Variants in FRS3 observed in about 807,000 individuals in gnomAD.
FRS3 encodes the protein fibroblast growth factor receptor substrate 3.
Under a neutral mutation model 41.9 loss-of-function variants are expected in FRS3, and 17 were observed. The ratio of observed to expected loss-of-function variants is 0.41; its 90% CI spans 0.28 to 0.61. FRS3 has a LOEUF of 0.61. Among genes scored for constraint, FRS3 ranks in the 20% least tolerant of loss-of-function variants. FRS3 has a pLI of 0.36. For synonymous variants in FRS3, 287 were observed against 274.5 expected, an observed-to-expected ratio of 1.05 and a Z score of -0.45; for missense variants, 619 against 672.1, an observed-to-expected ratio of 0.92 and a Z score of 0.87.
intron 6 of FRS3, 33 bp downstream of exon 6, chr6:41,771,783 A>G (rs1282868069): frequency 6.5e-7 from 1 of 1,545,376 alleles, no homozygotes. Flanking sequence ...CACCCAGACC[A>G]ACAGGGCAGG....
chr6:41,770,303 A>T lies in FRS3; in HGVS notation c.*316T>A. The T allele has an allele frequency of 3.0e-6, 1 of 336,302 alleles. No individual in the cohort carries two copies. The highest frequency in any genetic ancestry group is 5.4e-6 in the Non-Finnish European group (1 of 184,492). 20.8% of individuals were successfully genotyped at this position (336,302 alleles called of 1,614,324 possible). The stretch of plus-strand genomic sequence containing the variant: ...TTTCAAAATTCCAACCAAAAAAAAC[A>T]CACACGGACAGTCGGCAGACAAGAC... On this transcript the variant is annotated 3_prime_UTR_variant, in exon 7 of 7. Coordinates refer to ENST00000373018, the MANE Select transcript of FRS3 (RefSeq NM_006653.5).
At chr6:41,777,393 C>A (rs770303427) in intron 2 of FRS3, 1 of 167,718 alleles carries the variant, frequency 6.0e-6, no homozygotes, top group African/African-American at 2.4e-5. Flanking sequence ...GGTGCCAGCC[C>A]GAGCCCCTTA....
chr6:41,771,555 G>A (rs758372745), intron 6 of FRS3, 22 bp from the exon 7 acceptor site: 16 of 1,502,332 alleles, frequency 1.1e-5, no homozygotes, highest in Non-Finnish European at 1.4e-5. Context: ...GTCCAAGTGA[G>A]GCAGGAGTGT....
rs755097312 is a variant in FRS3 at position 41,772,964 on chromosome 6, A to G, written c.254-5T>C. 6.2e-7 allele frequency: 1 copy of G among 1,613,458 alleles called. No individual in the cohort carries two copies. The highest frequency in any genetic ancestry group is 2.2e-5 in the East Asian group (1 of 44,874). ...AACACTTAAATGCAAATATTCCTGG[A>G]GAAGGAGAGGAAGAAATGACCCTAG... is the stretch of plus-strand genomic sequence containing the variant. On this transcript the variant is annotated splice_region_variant and splice_polypyrimidine_tract_variant and intron_variant, in intron 4 of 6. Transcript: ENST00000373018.
intron 1 of FRS3, among the ~76,000 whole-genome samples, 173 bp from the exon 2 acceptor site, chr6:41,778,349 C>A (rs1379907618): frequency 2.6e-5 from 4 of 152,178 alleles, no homozygotes; most frequent in Admixed American, 6.5e-5. Context: ...AAATCCCAAG[C>A]CCCACGGGCC....
chr6:41,777,850 G>A (rs1772442361), intron 2 of FRS3, 183 bp downstream of exon 2: 1 of 152,254 alleles, frequency 6.6e-6, no homozygotes, highest in African/African-American at 2.4e-5. Flanking sequence ...GAAATGCATG[G>A]ACCAATACCA....
Position 41,770,676 on chromosome 6 carries a change from G to A in FRS3, c.1422C>T (p.Pro474=). The change falls in exon 7 of 7, where the codon CCC becomes CCT. Residue 474 remains proline, a synonymous_variant. Transcript: ENST00000373018. ...VAMSNLQRAL[P]RDDGTARKTR... The stretch of plus-strand genomic sequence containing the variant: ...TTTTCCTGGCGGTGCCATCGTCTCG[G>A]GGCAGAGCTCTCTGCAGGTTGGACA... 6.2e-7 allele frequency: 1 copy of A among 1,614,154 alleles called. No individual in the cohort carries two copies. The highest frequency in any genetic ancestry group is 8.5e-7 in the Non-Finnish European group (1 of 1,180,032).
In FRS3 at chr6:41,772,963, G is replaced by A. The variant is rs754310807; in HGVS notation, c.254-4C>T. 1.9e-5 allele frequency: 30 copies of A among 1,613,486 alleles called. No homozygotes were observed. Among genetic ancestry groups the A allele is most frequent in the Non-Finnish European group, 2.3e-5 (27 of 1,179,704 alleles). On this transcript the variant is annotated splice_region_variant and splice_polypyrimidine_tract_variant and intron_variant, in intron 4 of 6. Coordinates refer to ENST00000373018, the MANE Select transcript of FRS3 (RefSeq NM_006653.5). ...GAACACTTAAATGCAAATATTCCTG[G>A]AGAAGGAGAGGAAGAAATGACCCTA...
rs1772386743 is a variant in FRS3, at chr6:41,775,354, A to T, written c.253+65T>A. 2.3e-6 allele frequency: 3 copies of T among 1,323,914 alleles called. No homozygotes were observed. The South Asian group carries it at 4.2e-5, about 19-fold the overall frequency. The allele number at this position is 1,323,914 out of a possible 1,614,324, so 82.0% of individuals were successfully genotyped here. On this transcript the variant is annotated intron_variant, in intron 4 of 6. Transcript: ENST00000373018. ...ACTAACCTCTTGAGGGCTAACCTAT[A>T]CATTAGGAACCCTGGAGTACTGCAT...
At chr6:41,771,767 C>T (rs755717077) in intron 6 of FRS3, 49 bp downstream of exon 6, 12 of 1,534,798 alleles carry the variant, frequency 7.8e-6, no homozygotes, top group African/African-American at 5.5e-5. Flanking sequence ...TCCTATCCCT[C>T]GTCCCCACCC....
At position 41,771,374 on chromosome 6, in the gene FRS3, A is replaced by G. The variant is rs965414071; in HGVS notation, c.724T>C (p.Phe242Leu). The change falls in exon 7 of 7, where the codon TTT becomes CTT. Residue 242 changes from phenylalanine to leucine, a missense_variant. Phe to Leu is a conservative substitution (Grantham distance 22). This residue lies in a region of FRS3 where 487 missense variants were observed against 478.3 expected (regional missense o/e 1.02). Transcript: ENST00000373018. ...QVFLQPGQVKFVLGPTPARRH... is the reference protein window; with the variant it reads ...QVFLQPGQVKLVLGPTPARRH... ...CGAGCAGGGGTCGGGCCCAACACAA[A>G]CTTCACCTGGCCTGGCTGCAAGAAC... 1 of 1,613,546 alleles carries G rather than the reference A, an allele frequency of 6.2e-7. No homozygotes were observed.
intron 4 of FRS3, among the ~76,000 whole-genome samples, chr6:41,774,472 C>T (rs578080104): frequency 1.8e-4 from 28 of 152,240 alleles, no homozygotes; most frequent in East Asian, 3.9e-4. Flanking sequence ...AACTCTGGCA[C>T]GGGAAGGAAG....
At chr6:41,776,643 G>T in intron 3 of FRS3, 2 of 382,654 alleles carry the variant, frequency 5.2e-6, no homozygotes, top group Non-Finnish European at 4.7e-6. Context: ...AAGGGGGGGG[G>T]ATATATAAAG....
Position 41,770,660 on chromosome 6 carries a change from C to A in FRS3, c.1438G>T (p.Ala480Ser). The change falls in exon 7 of 7, where the codon GCC (alanine) becomes TCC (serine). Residue 480 changes from alanine to serine, a missense_variant. Around this residue, in one of 3 missense-constraint regions of FRS3, gnomAD observed 32 missense variants for 55.6 expected, o/e 0.58. Transcript: ENST00000373018. ...QRALPRDDGT[A>S]RKTRHNSTDL... ...GTGCTGTTGTGCCGGGTTTTCCTGG[C>A]GGTGCCATCGTCTCGGGGCAGAGCT... is the stretch of plus-strand genomic sequence containing the variant. 6.2e-7 allele frequency: 1 copy of A among 1,614,120 alleles called. No homozygotes were observed. The highest frequency in any genetic ancestry group is 1.1e-5 in the South Asian group (1 of 91,080).
chr6:41,771,121 G>A lies in FRS3; in HGVS notation c.977C>T (p.Pro326Leu). 1 of 1,578,822 alleles carries A rather than the reference G, an allele frequency of 6.3e-7. No homozygotes were observed. The highest frequency in any genetic ancestry group is 8.6e-7 in the Non-Finnish European group (1 of 1,160,438). Residue 326 changes from proline (P) to leucine (L), a missense_variant, in exon 7 of 7, where the codon CCC becomes CTC. Physicochemically the swap from Pro to Leu is moderately conservative, Grantham distance 98 (BLOSUM62 -3). Around this residue, in one of 3 missense-constraint regions of FRS3, gnomAD observed 487 missense variants for 478.3 expected, o/e 1.02. Transcript: ENST00000373018. ...GCTTTCCCACACAGGGGGCAGTGGG[G>A]GCAGGTTCTCATAGTGCAGCAGGGC... ...RAALLHYENLPPLPPVWESQA... is the reference protein window; with the variant it reads ...RAALLHYENLLPLPPVWESQA...
At chr6:41,772,585 C>G (rs920870433) in intron 5 of FRS3, among the ~76,000 whole-genome samples, 9 of 152,296 alleles carry the variant, frequency 5.9e-5, no homozygotes, top group African/African-American at 1.9e-4. Context: ...ATACAAGGCC[C>G]AGAACTCAAC....
In FRS3 at chr6:41,772,894, A is replaced by T; in HGVS notation, c.319T>A (p.Cys107Ser). 1 of 1,613,864 alleles carries T rather than the reference A, an allele frequency of 6.2e-7. No homozygotes were observed. The highest frequency in any genetic ancestry group is 1.7e-4 in the Middle Eastern group (1 of 6,054). The change falls in exon 5 of 7, where the codon TGC (cysteine) becomes AGC (serine). Residue 107 changes from cysteine to serine, a missense_variant. Transcript: ENST00000373018. ...TCTTCCATCACATTGATGCTGTTGC[A>T]CTGCATCAGATCCTGAAGGAGGTTG... ...IFNLLQDLMQ[C>S]NSINVMEEPV...
chr6:41,770,764 G>T lies in FRS3; in HGVS notation c.1334C>A (p.Thr445Asn). ...GTCTGAGCTTCGGGCAGGGTGGGTG[G>T]TGGGCATGGGGGCTTGGGGGCTCGA... ...NPSSPQAPMP[T>N]THPARSSDSY... The change falls in exon 7 of 7, where the codon ACC (threonine) becomes AAC (asparagine). Residue 445 changes from threonine to asparagine, a missense_variant. Physicochemically the swap from Thr to Asn is moderately conservative, Grantham distance 65. Coordinates refer to ENST00000373018, the MANE Select transcript of FRS3 (RefSeq NM_006653.5). The T allele has an allele frequency of 1.9e-6, 3 of 1,613,504 alleles. No homozygotes were observed. The highest frequency in any genetic ancestry group is 2.5e-6 in the Non-Finnish European group (3 of 1,179,916).
At chr6:41,779,553 G>T (rs905241898) in intron 1 of FRS3, among the ~76,000 whole-genome samples, 2 of 152,006 alleles carry the variant, frequency 1.3e-5, no homozygotes, top group Admixed American at 6.5e-5. Context: ...CCAGGGCGGA[G>T]AGGGTAGAGG....
Sources: allele counts gnomAD v4.1 joint callset (sites outside exome capture counted in the v4.1 genomes callset), GRCh38; gene constraint gnomAD v4.1.1; regional missense constraint gnomAD v4.1.1; transcripts MANE v1.5; gene names NCBI Gene and HGNC (gene_info 2026-07-23, HGNC 2026-07-21).